Variants in TMEM178B observed in about 807,000 individuals in gnomAD.
The protein encoded by TMEM178B is transmembrane protein 178B.
A neutral mutation model predicts 31.0 loss-of-function variants in TMEM178B; 5 were observed. That is an observed-to-expected ratio of 0.16 (90% CI 0.08 to 0.34). TMEM178B has a LOEUF of 0.34. TMEM178B is among the 10% of genes least tolerant of loss of function. The probability of loss-of-function intolerance (pLI) is 1.00; values close to 1 mark genes in which losing one functional copy is unlikely to be tolerated. For synonymous variants in TMEM178B, 164 were observed against 164.0 expected (o/e 1.00, Z 0.00); for missense variants, 275 against 400.3 (o/e 0.69, Z 2.67).
At chr7:141,358,703 A>T (rs572518063) in intron 2 of TMEM178B, among the ~76,000 whole-genome samples, 8 of 152,028 alleles carry the variant, frequency 5.3e-5, no homozygotes. Context: ...TTTCTCAAAG[A>T]ATTCTAATAA....
chr7:141,449,259 C>T (rs1455613937), intron 3 of TMEM178B, among the ~76,000 whole-genome samples: 2 of 152,056 alleles, frequency 1.3e-5, no homozygotes, highest in African/African-American at 2.4e-5. Context: ...GGAGAGACCC[C>T]TCCTATTAGA....
At chr7:141,287,655 A>G (rs759739843) in intron 2 of TMEM178B, among the ~76,000 whole-genome samples, 1 of 152,156 alleles carries the variant, frequency 6.6e-6, no homozygotes, top group African/African-American at 2.4e-5. Context: ...CCAGATCTAG[A>G]CAAAATCTGA....
chr7:141,204,031 A>G (rs1376511367), intron 1 of TMEM178B, among the ~76,000 whole-genome samples: 1 of 152,212 alleles, frequency 6.6e-6, no homozygotes, highest in African/African-American at 2.4e-5. Flanking sequence ...AGGACCCTTC[A>G]AAGTAACCGC....
At chr7:141,387,049 G>A (rs1800444253) in intron 2 of TMEM178B, among the ~76,000 whole-genome samples, 1 of 152,180 alleles carries the variant, frequency 6.6e-6, no homozygotes, top group East Asian at 1.9e-4. Context: ...CAGTGGTGGA[G>A]GGTGAGGCCA....
At chr7:141,452,495 G>A (rs1421936564) in intron 3 of TMEM178B, among the ~76,000 whole-genome samples, 1 of 152,076 alleles carries the variant, frequency 6.6e-6, no homozygotes, top group Non-Finnish European at 1.5e-5. Context: ...TCAATTGCCA[G>A]CATCTGCCAA....
intron 1 of TMEM178B, among the ~76,000 whole-genome samples, chr7:141,111,397 GA>G (rs2129175153): frequency 6.6e-6 from 1 of 152,284 alleles, no homozygotes; most frequent in South Asian, 2.1e-4. Flanking sequence ...TTTGGGTGGG[GA>G]CACAGCCAAA....
At chr7:141,145,863 C>A (rs1795842301) in intron 1 of TMEM178B, among the ~76,000 whole-genome samples, 1 of 152,186 alleles carries the variant, frequency 6.6e-6, no homozygotes, top group Admixed American at 6.5e-5. Flanking sequence ...GTTACTAAGC[C>A]TTTTAAAATA....
intron 1 of TMEM178B, among the ~76,000 whole-genome samples, chr7:141,206,498 C>T (rs6464421): frequency 0.66 from 100,308 of 151,874 alleles, 33,572 homozygotes; most frequent in Middle Eastern, 0.7. Context: ...GGTTGTGCTA[C>T]AGGGAGGAAC....
At chr7:141,321,354 C>T (rs535991923) in intron 2 of TMEM178B, among the ~76,000 whole-genome samples, 12 of 152,322 alleles carry the variant, frequency 7.9e-5, no homozygotes, top group African/African-American at 2.4e-4. Context: ...GTTTTCCTAA[C>T]GTGTCAACAC....
chr7:141,111,271 T>G (rs1357890557), intron 1 of TMEM178B, among the ~76,000 whole-genome samples: 1 of 152,170 alleles, frequency 6.6e-6, no homozygotes, highest in African/African-American at 2.4e-5. Context: ...TTCATGGGGC[T>G]TATTCACTAT....
chr7:141,370,751 C>T (rs1187730886), intron 2 of TMEM178B, among the ~76,000 whole-genome samples: 1 of 152,192 alleles, frequency 6.6e-6, no homozygotes, highest in Non-Finnish European at 1.5e-5. Context: ...GTAATTGCTC[C>T]TAAGGATTAG....
chr7:141,150,600 T>C (rs979711413), intron 1 of TMEM178B, among the ~76,000 whole-genome samples: 1 of 152,224 alleles, frequency 6.6e-6, no homozygotes, highest in African/African-American at 2.4e-5. Context: ...GCTTCTTGGC[T>C]CACCCCTGCT....
At chr7:141,180,463 C>CAAA (rs57969132) in intron 1 of TMEM178B, among the ~76,000 whole-genome samples, 68 of 83,056 alleles carry the variant, frequency 8.2e-4, no homozygotes, top group Non-Finnish European at 1.0e-3. Context: ...GAGCCCATCT[C>CAAA]AAAAAAAAAA....
chr7:141,459,275 G>A (rs568809373), intron 3 of TMEM178B, among the ~76,000 whole-genome samples: 30 of 152,232 alleles, frequency 2.0e-4, no homozygotes, highest in Admixed American at 1.4e-3. Context: ...GTGATCCACC[G>A]CCTCGGCCTC....
chr7:141,301,916 G>A (rs1798734272), intron 2 of TMEM178B, among the ~76,000 whole-genome samples: 1 of 152,214 alleles, frequency 6.6e-6, no homozygotes, highest in Non-Finnish European at 1.5e-5. Context: ...TGTGATGACA[G>A]CATCCATTGT....
At chr7:141,339,956 A>G (rs1157161088) in intron 2 of TMEM178B, among the ~76,000 whole-genome samples, 1 of 152,276 alleles carries the variant, frequency 6.6e-6, no homozygotes, top group Non-Finnish European at 1.5e-5. Flanking sequence ...AAATTAAAAC[A>G]TGATTGTTAG....
In TMEM178B at chr7:141,174,445, A is replaced by G. The variant is rs553520275; in HGVS notation, c.383-38146A>G. The stretch of plus-strand genomic sequence containing the variant: ...ATAAGTGCGCATGTGTCTTTATAGT[A>G]GAATGATATGTATTCCTTTGGGTAT... On this transcript the variant is annotated intron_variant, in intron 1 of 3. Transcript: ENST00000565468. 1.6e-3 allele frequency among the ~76,000 whole-genome samples: 246 copies of G among 152,354 alleles called. 2 individuals are homozygous for G. Among genetic ancestry groups the G allele is most frequent in the African/African-American group, 5.5e-3 (229 of 41,590 alleles).
intron 2 of TMEM178B, among the ~76,000 whole-genome samples, chr7:141,355,470 G>A (rs1799803169): frequency 6.6e-6 from 1 of 152,108 alleles, no homozygotes; most frequent in African/African-American, 2.4e-5. Flanking sequence ...TTCTTAAAGA[G>A]AAGAAGAAGC....
chr7:141,423,816 T>G (rs977088284), intron 2 of TMEM178B, among the ~76,000 whole-genome samples: 27 of 149,348 alleles, frequency 1.8e-4, no homozygotes, highest in Non-Finnish European at 3.4e-4. Context: ...TTTTTTTTTT[T>G]TTTTTTTTTT....
Sources: gnomAD v4.1 joint callset for allele counts (sites outside exome capture counted in the v4.1 genomes callset) on GRCh38, gnomAD v4.1.1 for gene constraint, MANE v1.5 for transcripts, NCBI Gene and HGNC (gene_info 2026-07-23, HGNC 2026-07-21) for gene names.